The following ANKRD44 variants were observed in gnomAD, a reference collection of about 807,000 sequenced individuals.
The protein encoded by ANKRD44 is ankyrin repeat domain 44.
ANKRD44 carries 35 observed loss-of-function variants against 116.0 expected under a neutral mutation model. The observed-to-expected ratio is 0.30, with a 90% confidence interval of 0.23 to 0.40. The LOEUF is 0.40. Ranked by LOEUF, ANKRD44 falls within the 10% of genes least tolerant of loss-of-function variation. ANKRD44 has a pLI of 1.00. For missense variants in ANKRD44, 1,014 were observed against 1,242.6 expected, an observed-to-expected ratio of 0.82 and a Z score of 2.77; for synonymous variants, 435 against 461.8, an observed-to-expected ratio of 0.94 and a Z score of 0.74.
chr2:197,288,524 T>C (rs2083470222), intron 1 of ANKRD44, among the ~76,000 whole-genome samples: 2 of 152,180 alleles, frequency 1.3e-5, no homozygotes, highest in South Asian at 2.1e-4. Flanking sequence ...GTAAAAGGGA[T>C]AGCTGCACAT....
At chr2:197,051,949 T>A (rs2077116026) in intron 16 of ANKRD44, among the ~76,000 whole-genome samples, 1 of 152,232 alleles carries the variant, frequency 6.6e-6, no homozygotes, top group African/African-American at 2.4e-5. Context: ...TGAGAAATCC[T>A]GCTTTAAGGA....
At chr2:197,271,323 C>A (rs1266355006) in intron 1 of ANKRD44, among the ~76,000 whole-genome samples, 2 of 152,164 alleles carry the variant, frequency 1.3e-5, no homozygotes, top group African/African-American at 4.8e-5. Flanking sequence ...CCTGAGGGAG[C>A]TTGTTCCTTC....
chr2:197,249,515 C>G (rs556691921), intron 1 of ANKRD44, among the ~76,000 whole-genome samples: 1 of 152,250 alleles, frequency 6.6e-6, no homozygotes, highest in East Asian at 1.9e-4. Flanking sequence ...CAAGAAAATA[C>G]ACAACATCTT....
At chr2:197,014,624 C>A (rs185543699) in intron 17 of ANKRD44, among the ~76,000 whole-genome samples, 1 of 151,944 alleles carries the variant, frequency 6.6e-6, no homozygotes, top group East Asian at 1.9e-4. Flanking sequence ...CTCGTCCCTA[C>A]TAAAAATACA....
In ANKRD44 at chr2:197,025,285, A is replaced by T; in HGVS notation, c.1651-18T>A. The T allele has an allele frequency of 6.2e-7, 1 of 1,606,736 alleles. No homozygotes were observed. Among genetic ancestry groups the T allele is most frequent in the Non-Finnish European group, 8.5e-7 (1 of 1,174,012 alleles). ...TCCAAAAGCTGTGGAGACAAAAAGC[A>T]AACAATAGTACGTGAGTCCAAATTT... On this transcript the variant is annotated intron_variant, in intron 16 of 27. Transcript: ENST00000282272.
chr2:197,110,030 G>A (rs1330657190), intron 9 of ANKRD44, among the ~76,000 whole-genome samples: 3 of 151,688 alleles, frequency 2.0e-5, no homozygotes, highest in African/African-American at 7.3e-5. Context: ...AGGCTAGAGT[G>A]CAATGGCACA....
chr2:197,308,864 T>C (rs2084154941), intron 1 of ANKRD44, among the ~76,000 whole-genome samples: 1 of 152,164 alleles, frequency 6.6e-6, no homozygotes, highest in South Asian at 2.1e-4. Context: ...AGCTATCCTA[T>C]ACCAACTGTA....
intron 1 of ANKRD44, among the ~76,000 whole-genome samples, chr2:197,210,511 T>C (rs1411859264): frequency 6.6e-6 from 1 of 152,228 alleles, no homozygotes; most frequent in East Asian, 1.9e-4. Flanking sequence ...AGCTGGTTCC[T>C]CTGGGAAAGC....
At chr2:197,085,004 A>G (rs1422262394) in intron 13 of ANKRD44, among the ~76,000 whole-genome samples, 1 of 152,324 alleles carries the variant, frequency 6.6e-6, no homozygotes, top group East Asian at 1.9e-4. Flanking sequence ...AGCACCTCGT[A>G]AAGGGCAAGA....
At chr2:197,090,075 A>T in intron 10 of ANKRD44, 43 bp from the exon 11 acceptor site, 1 of 1,421,034 alleles carries the variant, frequency 7.0e-7, no homozygotes, top group Non-Finnish European at 9.9e-7. Context: ...AACAGATCTC[A>T]AGATACATGC....
intron 21 of ANKRD44, among the ~76,000 whole-genome samples, chr2:196,973,787 T>C (rs1326736973): frequency 6.6e-6 from 1 of 152,240 alleles, no homozygotes; most frequent in African/African-American, 2.4e-5. Flanking sequence ...TCATTCCTTT[T>C]AAAACTTCCA....
intron 3 of ANKRD44, among the ~76,000 whole-genome samples, chr2:197,143,535 AT>A (rs1489335435): frequency 6.6e-6 from 1 of 151,790 alleles, no homozygotes; most frequent in Non-Finnish European, 1.5e-5. Flanking sequence ...TGAACACGTC[AT>A]TTTTTATGGC....
chr2:197,074,765 C>T (rs1280726165), intron 16 of ANKRD44, among the ~76,000 whole-genome samples: 1 of 152,158 alleles, frequency 6.6e-6, no homozygotes, highest in African/African-American at 2.4e-5. Flanking sequence ...AAGCTGTGAG[C>T]CACTGCACCT....
At chr2:197,251,053 T>TTAATGTA in intron 1 of ANKRD44, 1 of 152,348 alleles carries the variant, frequency 6.6e-6, no homozygotes, top group South Asian at 2.1e-4. Flanking sequence ...AAATGTATTT[T>TTAATGTA]ATTTATTAAC....
chr2:197,023,977 T>C (rs1029616847), intron 17 of ANKRD44, among the ~76,000 whole-genome samples: 16 of 152,116 alleles, frequency 1.1e-4, no homozygotes, highest in African/African-American at 2.7e-4. Flanking sequence ...AGTGGGTGTG[T>C]TGGTGGGTGT....
chr2:197,068,702 C>T (rs2077495591), intron 16 of ANKRD44, among the ~76,000 whole-genome samples: 1 of 152,158 alleles, frequency 6.6e-6, no homozygotes, highest in South Asian at 2.1e-4. Context: ...TGAAAAAATG[C>T]TCATCATCAC....
At position 197,001,766 on chromosome 2, in the gene ANKRD44, G is replaced by A. The variant is rs758007611; in HGVS notation, c.2422C>T (p.Leu808=). 2 of 1,612,360 alleles carry A rather than the reference G, an allele frequency of 1.2e-6. No individual in the cohort carries two copies. Among genetic ancestry groups the A allele is most frequent in the Non-Finnish European group, 1.7e-6 (2 of 1,178,468 alleles). Residue 808 remains leucine, a synonymous_variant, in exon 22 of 28, where the codon CTG becomes TTG. Coordinates refer to ENST00000282272, the MANE Select transcript of ANKRD44 (RefSeq NM_001195144.2). ...GTTTCTACTTACATTGCACAGTGCA[G>A]TGGAGTAAAGGGATTACCGATAAAT... ...RKFIGNPFTP[L]HCAIINDHGN... is the part of the protein sequence containing the mutation.
intron 17 of ANKRD44, among the ~76,000 whole-genome samples, chr2:197,024,605 AG>A (rs1450957988): frequency 2.0e-5 from 3 of 152,174 alleles, no homozygotes; most frequent in Admixed American, 1.3e-4. Context: ...GGATGTGGAG[AG>A]GAAGCGTTAC....
At chr2:197,293,356 G>A (rs2105883989) in intron 1 of ANKRD44, among the ~76,000 whole-genome samples, 1 of 152,276 alleles carries the variant, frequency 6.6e-6, no homozygotes, top group South Asian at 2.1e-4. Flanking sequence ...GAGAAATTCA[G>A]TGGCTTAGCT....
Sources: gnomAD v4.1 joint callset for allele counts (sites outside exome capture counted in the v4.1 genomes callset) on GRCh38, gnomAD v4.1.1 for gene constraint, MANE v1.5 for transcripts, NCBI Gene and HGNC (gene_info 2026-07-23, HGNC 2026-07-21) for gene names.